FBRSL1: variants seen among roughly 807,000 people sequenced by gnomAD.
FBRSL1 encodes fibrosin like 1, also known as fibrosin-1-like protein.
A neutral mutation model predicts 89.6 loss-of-function variants in FBRSL1; 51 were observed. The observed-to-expected ratio is 0.57, with a 90% confidence interval of 0.45 to 0.72. FBRSL1 has a LOEUF of 0.72. Ranked by LOEUF, FBRSL1 falls within the 30% of genes least tolerant of loss-of-function variation. The pLI, the probability that FBRSL1 is intolerant of heterozygous loss-of-function variation, is 0.00. For missense variants in FBRSL1, 1,618 were observed against 1,451.8 expected, an observed-to-expected ratio of 1.11 and a Z score of -1.86; for synonymous variants, 779 against 681.1, an observed-to-expected ratio of 1.14 and a Z score of -2.24.
chr12:132,574,219 T>C, intron 12 of FBRSL1, 61 bp downstream of exon 12: 1 of 1,439,972 alleles, frequency 6.9e-7, no homozygotes, highest in Non-Finnish European at 9.1e-7. Flanking sequence ...CCGGGCCCTG[T>C]GCGGGCTGGT....
rs956027994 is a variant in FBRSL1, at chr12:132,548,044, G to T, written c.645+12G>T. Reference sequence around the variant, plus strand: ...GCCCGGACGACAAGGTAAGCCCAGCGTCCTCCTCCTGGGCTCGGCTGACAG... The same window carrying T: ...GCCCGGACGACAAGGTAAGCCCAGCTTCCTCCTCCTGGGCTCGGCTGACAG... On this transcript the variant is annotated intron_variant, in intron 5 of 18. Transcript: ENST00000680143. 7.1e-6 allele frequency: 11 copies of T among 1,549,938 alleles called. No homozygotes were observed. The highest frequency in any genetic ancestry group is 9.6e-6 in the Non-Finnish European group (11 of 1,146,622).
At chr12:132,573,723 CCCTGG>C (rs2040198935) in intron 11 of FBRSL1, among the ~76,000 whole-genome samples, 1 of 152,000 alleles carries the variant, frequency 6.6e-6, no homozygotes, top group African/African-American at 2.4e-5. Context: ...TCCCTGGCGC[CCCTGG>C]TGGGAAACGA....
intron 4 of FBRSL1, among the ~76,000 whole-genome samples, chr12:132,528,239 C>T (rs993232391): frequency 6.6e-6 from 1 of 152,164 alleles, no homozygotes; most frequent in East Asian, 1.9e-4. Flanking sequence ...ACATGCTGCC[C>T]CAGGGGGACG....
intron 14 of FBRSL1, 57 bp from the exon 15 acceptor site, chr12:132,576,742 C>G (rs1355996924): frequency 6.6e-7 from 1 of 1,517,496 alleles, no homozygotes; most frequent in African/African-American, 1.4e-5. Context: ...GGCCTGGGCT[C>G]CCTGTGTTCA....
At chr12:132,537,793 A>G (rs1383222822) in intron 4 of FBRSL1, among the ~76,000 whole-genome samples, 2 of 152,194 alleles carry the variant, frequency 1.3e-5, no homozygotes, top group African/African-American at 4.8e-5. Context: ...TGTGCCTGCT[A>G]TGTCTCCAGC....
chr12:132,561,730 C>G (rs1015525639), intron 5 of FBRSL1, among the ~76,000 whole-genome samples: 31 of 152,310 alleles, frequency 2.0e-4, no homozygotes, highest in African/African-American at 7.2e-4. Context: ...GAAGAGGGCC[C>G]GCGTGCGTGC....
Position 132,515,034 on chromosome 12 carries a change from A to T in FBRSL1, c.489+6684A>T, listed in dbSNP as rs191209004. On this transcript the variant is annotated intron_variant, in intron 2 of 18. Coordinates refer to ENST00000680143, the MANE Select transcript of FBRSL1 (RefSeq NM_001367871.1). ...AATAACCACAAGGCTGACAGCAGGG[A>T]GGTGTGGGGGGTCCAGAACAATATA... Among the ~76,000 whole-genome samples the T allele has an allele frequency of 1.6e-3, 239 of 152,156 alleles. 1 individual carries two copies. Among genetic ancestry groups the T allele is most frequent in the African/African-American group, 5.6e-3 (233 of 41,508 alleles).
chr12:132,495,070 G>C (rs1477871749), intron 1 of FBRSL1, among the ~76,000 whole-genome samples: 1 of 152,214 alleles, frequency 6.6e-6, no homozygotes, highest in African/African-American at 2.4e-5. Flanking sequence ...CCTGGAGCCG[G>C]TGGGCCTTGG....
chr12:132,519,505 C>T (rs1035305158), intron 2 of FBRSL1, among the ~76,000 whole-genome samples: 1 of 152,264 alleles, frequency 6.6e-6, no homozygotes, highest in African/African-American at 2.4e-5. Flanking sequence ...TTCTCCTTCC[C>T]ATAGGCTATG....
Position 132,511,055 on chromosome 12 carries a change from G to A in FBRSL1, c.489+2705G>A, listed in dbSNP as rs190597957. 46 of 985,922 alleles carry A rather than the reference G, an allele frequency of 4.7e-5. No individual in the cohort carries two copies. The African/African-American group carries it at 7.7e-4, about 16-fold the overall frequency. 61.1% of individuals were successfully genotyped at this position (985,922 alleles called of 1,614,324 possible). A position where few individuals can be genotyped will look rare whatever the true frequency, so the allele number is the denominator to read the frequency against. On this transcript the variant is annotated intron_variant, in intron 2 of 18. Transcript: ENST00000680143. ...GAGTGGCCCAGTGGCGAATGGTGAA[G>A]GTGTGGGTTTCAGTCCAGGCCCTCC...
At chr12:132,491,952 T>C (rs778257794) in intron 1 of FBRSL1, among the ~76,000 whole-genome samples, 15 of 152,170 alleles carry the variant, frequency 9.9e-5, no homozygotes. Context: ...GCCAGGCTCA[T>C]CACACAGGCT....
In FBRSL1 at chr12:132,499,603, C is replaced by T. The variant is rs547788340; in HGVS notation, c.292-8550C>T. On this transcript the variant is annotated intron_variant, in intron 1 of 18. Transcript: ENST00000680143. The surrounding 1 kb of genome is among the most constrained non-coding windows in gnomAD (Gnocchi z 4.3). ...CAGGCTGTGAGGGGCAGCACCGTGG[C>T]GTGGCGGTTCCCGAGAGCCCGTCAG... 8.4e-4 allele frequency among the ~76,000 whole-genome samples: 127 copies of T among 151,912 alleles called. No homozygotes were observed. The highest frequency in any genetic ancestry group is 2.9e-3 in the African/African-American group (121 of 41,390).
chr12:132,583,046 C>G lies in FBRSL1; in HGVS notation c.2277C>G (p.Leu759=). 1 of 1,453,680 alleles carries G rather than the reference C, an allele frequency of 6.9e-7. No homozygotes were observed. The highest frequency in any genetic ancestry group is 3.0e-5 in the East Asian group (1 of 32,950). The allele number at this position is 1,453,680 out of a possible 1,614,324, so 90.0% of individuals were successfully genotyped here. Residue 759 remains leucine, a synonymous_variant, in exon 19 of 19, where the codon CTC becomes CTG. Coordinates refer to ENST00000680143, the MANE Select transcript of FBRSL1 (RefSeq NM_001367871.1). ...ATPAGHPVSG[L]LLRAQSELGR... ...CCGCTGGCCACCCCGTCAGCGGCCT[C>G]CTGCTCCGGGCCCAGAGCGAGCTGG...
At chr12:132,563,487 T>A (rs1048324414) in intron 5 of FBRSL1, among the ~76,000 whole-genome samples, 1 of 151,888 alleles carries the variant, frequency 6.6e-6, no homozygotes, top group Non-Finnish European at 1.5e-5. Flanking sequence ...TGGATCTCTG[T>A]CCGTCGCGGC....
At chr12:132,526,737 G>T (rs1453442353) in intron 3 of FBRSL1, among the ~76,000 whole-genome samples, 7 of 152,146 alleles carry the variant, frequency 4.6e-5, no homozygotes, top group Admixed American at 4.6e-4. Flanking sequence ...CTCAGAGGGG[G>T]TGTTGGATCT....
intron 2 of FBRSL1, among the ~76,000 whole-genome samples, chr12:132,516,534 C>T (rs111519303): frequency 1.3e-5 from 2 of 152,266 alleles, no homozygotes; most frequent in African/African-American, 2.4e-5. Flanking sequence ...TGGATGTCCA[C>T]GTTTTCTGTC....
intron 9 of FBRSL1, 53 bp from the exon 10 acceptor site, chr12:132,572,235 C>G (rs931735812): frequency 2.0e-6 from 3 of 1,520,462 alleles, no homozygotes; most frequent in Admixed American, 4.0e-5. Flanking sequence ...GGCCCGGGGC[C>G]CAGCAACGGT....
At position 132,570,009 on chromosome 12, in the gene FBRSL1, G is replaced by A. The variant is rs562553564; in HGVS notation, c.775G>A (p.Glu259Lys). Reference protein sequence around the residue: ...GLERSRELSAESFLPTASPAP... With the variant: ...GLERSRELSAKSFLPTASPAP... ...GGAGCGCAGCCGCGAGCTCAGCGCC[G>A]AGAGCTTCCTGCCCACTGCCAGCCC... The change falls in exon 7 of 19, where the codon GAG becomes AAG. Residue 259 changes from glutamate to lysine, a missense_variant. Transcript: ENST00000680143. The A allele has an allele frequency of 4.1e-5, 62 of 1,511,970 alleles. No homozygotes were observed. Among genetic ancestry groups the A allele is most frequent in the Non-Finnish European group, 5.1e-5 (58 of 1,136,964 alleles). The allele number at this position is 1,511,970 out of a possible 1,614,324, so 93.7% of individuals were successfully genotyped here. A position where few individuals can be genotyped will look rare whatever the true frequency, so the allele number is the denominator to read the frequency against.
chr12:132,567,451 C>T, intron 5 of FBRSL1, 30 bp from the exon 6 acceptor site: 1 of 1,550,586 alleles, frequency 6.4e-7, no homozygotes. Context: ...ACCACCCTGA[C>T]TGCCCCTGAC....
Sources: allele counts gnomAD v4.1 joint callset (sites outside exome capture counted in the v4.1 genomes callset), GRCh38; gene constraint gnomAD v4.1.1; non-coding constraint Gnocchi (gnomAD v3.1); transcripts MANE v1.5; gene names NCBI Gene and HGNC (gene_info 2026-07-23, HGNC 2026-07-21).